RNF180: variants seen among roughly 807,000 people sequenced by gnomAD.
RNF180 encodes E3 ubiquitin-protein ligase RNF180.
A neutral mutation model predicts 59.2 loss-of-function variants in RNF180; 38 were observed. That is an observed-to-expected ratio of 0.64 (90% CI 0.50 to 0.84). RNF180 has a LOEUF of 0.84. RNF180 is among the 40% of genes least tolerant of loss of function. The probability of loss-of-function intolerance (pLI) is 0.00; values close to 1 mark genes in which losing one functional copy is unlikely to be tolerated. For synonymous variants in RNF180, 262 were observed against 240.3 expected, an observed-to-expected ratio of 1.09 and a Z score of -0.84; for missense variants, 705 against 700.9, an observed-to-expected ratio of 1.01 and a Z score of -0.07.
Position 64,371,731 on chromosome 5 carries a change from G to T in RNF180, c.*1917G>T, listed in dbSNP as rs1272468463. ...ATCTGAAAATTATAGAATATTAAAAGAAGTAAATTCATAAAATTATAAATT... is the reference window on the plus strand; with the variant it reads ...ATCTGAAAATTATAGAATATTAAAATAAGTAAATTCATAAAATTATAAATT... On this transcript the variant is annotated 3_prime_UTR_variant, in exon 8 of 8. Coordinates refer to ENST00000389100, the MANE Select transcript of RNF180 (RefSeq NM_001113561.2). 5 of 151,402 alleles carry T rather than the reference G, an allele frequency of 3.3e-5. No homozygotes were observed. The South Asian group carries it at 1.0e-3, about 31-fold the overall frequency. 9.4% of individuals were successfully genotyped at this position (151,402 alleles called of 1,614,324 possible). A position where few individuals can be genotyped will look rare whatever the true frequency, so the allele number is the denominator to read the frequency against.
intron 7 of RNF180, among the ~76,000 whole-genome samples, chr5:64,360,987 G>A (rs1327951935): frequency 6.6e-6 from 1 of 151,580 alleles, no homozygotes; most frequent in Non-Finnish European, 1.5e-5. Flanking sequence ...TGCTCCAAAT[G>A]GAGACACTCT....
intron 5 of RNF180, among the ~76,000 whole-genome samples, chr5:64,307,701 T>C (rs1437455769): frequency 6.6e-6 from 1 of 151,776 alleles, no homozygotes; most frequent in East Asian, 1.9e-4. Flanking sequence ...CAGAATGCGT[T>C]CATTAGCAAA....
At chr5:64,211,221 A>G (rs1752295635) in intron 2 of RNF180, among the ~76,000 whole-genome samples, 1 of 152,162 alleles carries the variant, frequency 6.6e-6, no homozygotes, top group African/African-American at 2.4e-5. Flanking sequence ...TTTGAGTTTC[A>G]TAATGTTCAA....
chr5:64,350,928 T>A (rs1346090477), intron 7 of RNF180, among the ~76,000 whole-genome samples: 2 of 152,124 alleles, frequency 1.3e-5, no homozygotes, highest in Non-Finnish European at 2.9e-5. Flanking sequence ...TAAAGTAGTT[T>A]TTTCCAATTC....
At chr5:64,253,414 T>G (rs1580117671) in intron 5 of RNF180, among the ~76,000 whole-genome samples, 2 of 152,184 alleles carry the variant, frequency 1.3e-5, no homozygotes, top group African/African-American at 4.8e-5. Context: ...ATTATTTCAA[T>G]ACTAATATTT....
rs574785784 is a variant in RNF180 at position 64,266,254 on chromosome 5, A to G, written c.1227+48858A>G. ...TTGCCCTAGGCAGGGCAATCTTAAT[A>G]TGTGTCAATGCCACATAGAAAAGAA... On this transcript the variant is annotated intron_variant, in intron 5 of 7. Transcript: ENST00000389100. Among the ~76,000 whole-genome samples the G allele has an allele frequency of 5.9e-5, 9 of 152,096 alleles. No individual in the cohort carries two copies. In the South Asian group the frequency reaches 1.9e-3, roughly 32 times the overall value.
chr5:64,315,863 TAAA>T (rs1479605935), intron 5 of RNF180, among the ~76,000 whole-genome samples: 1 of 151,418 alleles, frequency 6.6e-6, no homozygotes, highest in Non-Finnish European at 1.5e-5. Flanking sequence ...ACAATAAAAA[TAAA>T]AATTAATATT....
In RNF180 at chr5:64,370,363, C is replaced by A. The variant is rs1746620190; in HGVS notation, c.*549C>A. The A allele has an allele frequency of 6.6e-6, 1 of 151,692 alleles. No homozygotes were observed. Among genetic ancestry groups the A allele is most frequent in the African/African-American group, 2.4e-5 (1 of 41,330 alleles). The allele number at this position is 151,692 out of a possible 1,614,324, so 9.4% of individuals were successfully genotyped here. ...AAGAAAACTGACTATTCTTTTTGTA[C>A]AGATCTAATTAGTACAACATTTTAA... On this transcript the variant is annotated 3_prime_UTR_variant, in exon 8 of 8. Transcript: ENST00000389100.
At chr5:64,348,498 T>C (rs1005293466) in intron 7 of RNF180, among the ~76,000 whole-genome samples, 2 of 152,138 alleles carry the variant, frequency 1.3e-5, no homozygotes, top group African/African-American at 4.8e-5. Context: ...ATAGGAGATT[T>C]TTCAAGCTGA....
intron 6 of RNF180, among the ~76,000 whole-genome samples, chr5:64,328,911 A>G (rs1744770658): frequency 6.6e-6 from 1 of 152,210 alleles, no homozygotes; most frequent in East Asian, 1.9e-4. Context: ...TTTACTTCTC[A>G]GGTTAGTAAC....
intron 5 of RNF180, among the ~76,000 whole-genome samples, chr5:64,253,943 A>G (rs545441419): frequency 2.0e-5 from 3 of 152,284 alleles, no homozygotes; most frequent in South Asian, 4.1e-4. Flanking sequence ...CTATTTTATT[A>G]AAAGTGAACT....
At chr5:64,295,401 C>T (rs1045667323) in intron 5 of RNF180, among the ~76,000 whole-genome samples, 5 of 152,160 alleles carry the variant, frequency 3.3e-5, no homozygotes, top group African/African-American at 1.2e-4. Context: ...TATTAATGCT[C>T]TATGGGGAAA....
At chr5:64,291,652 C>A (rs922742691) in intron 5 of RNF180, among the ~76,000 whole-genome samples, 5 of 151,840 alleles carry the variant, frequency 3.3e-5, no homozygotes, top group African/African-American at 4.8e-5. Flanking sequence ...TGGTCTCGAT[C>A]TCCTGACCTC....
At chr5:64,212,987 A>G (rs1027012298) in intron 3 of RNF180, among the ~76,000 whole-genome samples, 3 of 152,228 alleles carry the variant, frequency 2.0e-5, no homozygotes, top group African/African-American at 4.8e-5. Flanking sequence ...ATATTTCACT[A>G]TCTCAGTTGG....
At chr5:64,270,782 T>C (rs772207770) in intron 5 of RNF180, among the ~76,000 whole-genome samples, 1 of 152,156 alleles carries the variant, frequency 6.6e-6, no homozygotes, top group Non-Finnish European at 1.5e-5. Flanking sequence ...GCTTTTCAGT[T>C]ACTGAGGAAA....
At chr5:64,224,132 C>G (rs546185940) in intron 5 of RNF180, among the ~76,000 whole-genome samples, 1 of 147,274 alleles carries the variant, frequency 6.8e-6, no homozygotes, top group East Asian at 2.0e-4. Context: ...TCAAGTTATT[C>G]CAGGGTCAAA....
intron 7 of RNF180, among the ~76,000 whole-genome samples, chr5:64,344,176 CAAG>C (rs1184950577): frequency 1.3e-5 from 2 of 151,668 alleles, no homozygotes; most frequent in African/African-American, 4.8e-5. Flanking sequence ...TTAAGAAAAA[CAAG>C]AACCAATTAT....
chr5:64,268,879 C>G (rs553349815), intron 5 of RNF180, among the ~76,000 whole-genome samples: 20 of 152,260 alleles, frequency 1.3e-4, no homozygotes, highest in African/African-American at 3.4e-4. Context: ...CTTTTTATCA[C>G]AAGAGCCCTT....
intron 5 of RNF180, among the ~76,000 whole-genome samples, chr5:64,308,702 A>G (rs891536766): frequency 6.6e-6 from 1 of 151,734 alleles, no homozygotes; most frequent in African/African-American, 2.4e-5. Context: ...AAAAATATAA[A>G]GGGGGATTTT....
Sources: gnomAD v4.1 joint callset for allele counts (sites outside exome capture counted in the v4.1 genomes callset) on GRCh38, gnomAD v4.1.1 for gene constraint, MANE v1.5 for transcripts, NCBI Gene and HGNC (gene_info 2026-07-23, HGNC 2026-07-21) for gene names.